The following RASAL2 variants were observed in gnomAD, a reference collection of about 807,000 sequenced individuals.
RASAL2 encodes ras GTPase-activating protein nGAP.
In RASAL2, 58 loss-of-function variants were observed where a neutral mutation model predicts 128.9. That is an observed-to-expected ratio of 0.45 (90% CI 0.36 to 0.56). RASAL2 has a LOEUF of 0.56. RASAL2 is among the 20% of genes least tolerant of loss of function. The pLI, the probability that RASAL2 is intolerant of heterozygous loss-of-function variation, is 0.00. For synonymous variants in RASAL2, 561 were observed against 580.8 expected, an observed-to-expected ratio of 0.97 and a Z score of 0.49; for missense variants, 1,360 against 1,601.6, an observed-to-expected ratio of 0.85 and a Z score of 2.57.
chr1:178,135,525 C>T (rs112243489), intron 1 of RASAL2, among the ~76,000 whole-genome samples: 1,892 of 140,206 alleles, frequency 0.013, 42 homozygotes, highest in African/African-American at 0.046. Flanking sequence ...AAGCCATTTC[C>T]GAATACGTAG....
chr1:178,295,641 A>G (rs968113377), intron 2 of RASAL2, among the ~76,000 whole-genome samples: 1 of 152,110 alleles, frequency 6.6e-6, no homozygotes, highest in East Asian at 1.9e-4. Flanking sequence ...GGCTTGTTAA[A>G]ACACAGATTG....
intron 1 of RASAL2, among the ~76,000 whole-genome samples, chr1:178,202,343 G>T (rs1283302328): frequency 7.9e-5 from 12 of 152,196 alleles, no homozygotes; most frequent in Admixed American, 7.9e-4. Flanking sequence ...TGGCCTCATG[G>T]GGAGTTCCCT....
At chr1:178,181,455 T>C (rs1437121364) in intron 1 of RASAL2, among the ~76,000 whole-genome samples, 2 of 152,112 alleles carry the variant, frequency 1.3e-5, no homozygotes, top group Non-Finnish European at 2.9e-5. Flanking sequence ...CCTCCCAGCT[T>C]CACGCCATTC....
chr1:178,403,338 A>G (rs1160628862), intron 4 of RASAL2, among the ~76,000 whole-genome samples: 1 of 152,160 alleles, frequency 6.6e-6, no homozygotes, highest in African/African-American at 2.4e-5. Flanking sequence ...CATTATCAGC[A>G]TTCTGCAAAT....
At chr1:178,366,576 A>ACCC (rs1279497126) in intron 3 of RASAL2, among the ~76,000 whole-genome samples, 5 of 76,292 alleles carry the variant, frequency 6.6e-5, no homozygotes, top group Admixed American at 1.4e-4. Context: ...ATTACTTGGT[A>ACCC]CCTCCCACCC....
chr1:178,335,984 G>T (rs1170944177), intron 3 of RASAL2, among the ~76,000 whole-genome samples: 2 of 151,728 alleles, frequency 1.3e-5, no homozygotes, highest in Non-Finnish European at 2.9e-5. Flanking sequence ...TACCATAGTG[G>T]TTAAGGGAAA....
Position 178,458,082 on chromosome 1 carries a change from TA to T in RASAL2, c.2792del (p.Asn931ThrfsTer11). Reference sequence around the variant, plus strand: ...TCCAGAACCCTGTCTATCACCTCAATAACCCAATTCCAGCAATGCCAAAGGC... The same window carrying T: ...TCCAGAACCCTGTCTATCACCTCAATACCCAATTCCAGCAATGCCAAAGGC... ...SFQNPVYHLN[N>X]PIPAMPKASI... On this transcript the variant is annotated frameshift_variant, in exon 14 of 18. Coordinates refer to ENST00000367649, the MANE Select transcript of RASAL2 (RefSeq NM_170692.4). LOFTEE classifies it high-confidence loss of function. The T allele has an allele frequency of 6.2e-7, 1 of 1,614,138 alleles. No homozygotes were observed. Among genetic ancestry groups the T allele is most frequent in the Non-Finnish European group, 8.5e-7 (1 of 1,180,030 alleles).
At chr1:178,431,108 A>G (rs1449870978) in intron 5 of RASAL2, among the ~76,000 whole-genome samples, 1 of 152,068 alleles carries the variant, frequency 6.6e-6, no homozygotes, top group Non-Finnish European at 1.5e-5. Flanking sequence ...ACTTAAAAGC[A>G]CTAAAAGAAA....
At chr1:178,107,801 A>G (rs900443084) in intron 1 of RASAL2, among the ~76,000 whole-genome samples, 1 of 152,190 alleles carries the variant, frequency 6.6e-6, no homozygotes, top group East Asian at 1.9e-4. Flanking sequence ...TTCATTTTTT[A>G]TGGCTAAATA....
chr1:178,364,095 C>CAAAAAAAAAAAAAAA (rs1331381002), intron 3 of RASAL2, among the ~76,000 whole-genome samples: 1 of 108,254 alleles, frequency 9.2e-6, no homozygotes, highest in African/African-American at 3.3e-5. Context: ...GACTCCATCT[C>CAAAAAAAAAAAAAAA]AAAAAAAAAA....
intron 1 of RASAL2, among the ~76,000 whole-genome samples, chr1:178,224,610 A>G (rs982165880): frequency 1.3e-5 from 2 of 152,172 alleles, no homozygotes; most frequent in African/African-American, 4.8e-5. Context: ...AAAGATTTTT[A>G]TGAGTTGATC....
At chr1:178,289,698 A>C (rs1667190478) in intron 2 of RASAL2, among the ~76,000 whole-genome samples, 1 of 152,136 alleles carries the variant, frequency 6.6e-6, no homozygotes, top group South Asian at 2.1e-4. Flanking sequence ...AACATGCCCC[A>C]CACTTCAGCC....
At chr1:178,465,588 A>G (rs1467426668) in intron 15 of RASAL2, among the ~76,000 whole-genome samples, 2 of 152,128 alleles carry the variant, frequency 1.3e-5, no homozygotes, top group Admixed American at 1.3e-4. Flanking sequence ...CACAGATTGG[A>G]TGTGGCTTAT....
In RASAL2 at chr1:178,457,576, C is replaced by T. The variant is rs900252733; in HGVS notation, c.2391-107C>T. 32 of 1,111,878 alleles carry T rather than the reference C, an allele frequency of 2.9e-5. No homozygotes were observed. The Middle Eastern group carries it at 6.2e-4, about 21-fold the overall frequency. 68.9% of individuals were successfully genotyped at this position (1,111,878 alleles called of 1,614,324 possible). Reference sequence around the variant, plus strand: ...AAATCTGAGTTTCCAAAGAAATGTACGTATCCACATAAGAACCTTCGGAGG... The same window carrying T: ...AAATCTGAGTTTCCAAAGAAATGTATGTATCCACATAAGAACCTTCGGAGG... On this transcript the variant is annotated intron_variant, in intron 13 of 17. Coordinates refer to ENST00000367649, the MANE Select transcript of RASAL2 (RefSeq NM_170692.4).
chr1:178,116,163 C>G (rs1659514331), intron 1 of RASAL2, among the ~76,000 whole-genome samples: 1 of 152,176 alleles, frequency 6.6e-6, no homozygotes, highest in Non-Finnish European at 1.5e-5. Context: ...CTAGAAATAA[C>G]CTTTCCCTTT....
At chr1:178,221,262 ATTGATTTCAT>A (rs1663603655) in intron 1 of RASAL2, among the ~76,000 whole-genome samples, 1 of 152,024 alleles carries the variant, frequency 6.6e-6, no homozygotes, top group South Asian at 2.1e-4. Flanking sequence ...CCCATTTTTA[ATTGATTTCAT>A]TGATTTCTCC....
rs933192811 is a variant in RASAL2 at position 178,390,205 on chromosome 1, C to A, written c.563C>A (p.Pro188Gln). 3 of 1,594,722 alleles carry A rather than the reference C, an allele frequency of 1.9e-6. No individual in the cohort carries two copies. Among genetic ancestry groups the A allele is most frequent in the Non-Finnish European group, 2.6e-6 (3 of 1,164,380 alleles). ...GCAAATACCTCACCCTTCAAAGTAC[C>A]AGTAAGTGTTTATCTTCTTTATAAG... ...DTANTSPFKV[P>Q]GFFSKRLKGS... The change falls in exon 4 of 18, where the codon CCA (proline) becomes CAA (glutamine). Residue 188 changes from proline to glutamine, a missense_variant and splice_region_variant. Physicochemically the swap from Pro to Gln is moderately conservative, Grantham distance 76 (BLOSUM62 -1). This residue lies in a region of RASAL2 where 617 missense variants were observed against 714.2 expected (regional missense o/e 0.86). Transcript: ENST00000367649.
intron 1 of RASAL2, among the ~76,000 whole-genome samples, chr1:178,186,689 TA>T (rs1662314170): frequency 1.3e-5 from 2 of 152,216 alleles, no homozygotes; most frequent in African/African-American, 4.8e-5. Flanking sequence ...CAGTTTTCAG[TA>T]ATTTAATTAT....
intron 1 of RASAL2, among the ~76,000 whole-genome samples, chr1:178,097,865 T>C (rs1002934164): frequency 6.6e-6 from 1 of 152,228 alleles, no homozygotes; most frequent in Non-Finnish European, 1.5e-5. Flanking sequence ...ATTGTGTACA[T>C]ATGTATATAT....
Sources: gnomAD v4.1 joint callset for allele counts (sites outside exome capture counted in the v4.1 genomes callset) on GRCh38, gnomAD v4.1.1 for gene constraint, gnomAD v4.1.1 regional missense constraint, MANE v1.5 for transcripts, NCBI Gene and HGNC (gene_info 2026-07-23, HGNC 2026-07-21) for gene names.